CFAP96: variants seen among roughly 807,000 people sequenced by gnomAD.
CFAP96 encodes cilia-and flagella-associated protein 96.
the CFAP96 span, among the ~76,000 whole-genome samples, chr4:185,448,867 C>T: frequency 6.6e-6 from 1 of 152,028 alleles, no homozygotes; most frequent in African/African-American, 2.4e-5. Context: ...GCTGTTAGAA[C>T]TTTGGAACAG....
the CFAP96 span, among the ~76,000 whole-genome samples, chr4:185,421,965 C>T: frequency 6.6e-6 from 1 of 152,226 alleles, no homozygotes; most frequent in African/African-American, 2.4e-5. Context: ...ATCTCAAACA[C>T]AGCTCATCCC....
chr4:185,447,083 T>G, the CFAP96 span, among the ~76,000 whole-genome samples: 2 of 152,242 alleles, frequency 1.3e-5, no homozygotes, highest in Non-Finnish European at 2.9e-5. Flanking sequence ...ACTGAACTTC[T>G]ATCTCAAACC....
At chr4:185,410,663 T>C in the CFAP96 span, among the ~76,000 whole-genome samples, 2 of 122,710 alleles carry the variant, frequency 1.6e-5, no homozygotes, top group African/African-American at 6.1e-5. Flanking sequence ...AAAGAAAGAT[T>C]AGGCCGGGCG....
At chr4:185,442,962 G>A in the CFAP96 span, among the ~76,000 whole-genome samples, 1 of 152,010 alleles carries the variant, frequency 6.6e-6, no homozygotes, top group Non-Finnish European at 1.5e-5. Flanking sequence ...ATAATTTGAA[G>A]TGTGATTGGT....
chr4:185,421,718 A>G, the CFAP96 span, among the ~76,000 whole-genome samples: 38 of 152,302 alleles, frequency 2.5e-4, 1 homozygote, highest in South Asian at 3.7e-3. Flanking sequence ...AAAGATGCAA[A>G]ACAGACTAAT....
chr4:185,424,110 T>TG, the CFAP96 span, among the ~76,000 whole-genome samples: 1 of 147,748 alleles, frequency 6.8e-6, no homozygotes. Flanking sequence ...GAGACCAGAC[T>TG]GGGCAACATA....
the CFAP96 span, among the ~76,000 whole-genome samples, chr4:185,443,331 TATATA>T: frequency 6.6e-5 from 2 of 30,390 alleles, no homozygotes; most frequent in Non-Finnish European, 1.6e-4. Context: ...TATATATATA[TATATA>T]TATATATTTT....
chr4:185,423,561 G>A, the CFAP96 span, among the ~76,000 whole-genome samples: 4 of 89,470 alleles, frequency 4.5e-5, no homozygotes, highest in Non-Finnish European at 1.2e-4. Flanking sequence ...CAATAGATTG[G>A]TTAAAAAAAA....
the CFAP96 span, chr4:185,431,951 A>G: frequency 4.7e-6 from 7 of 1,497,388 alleles, no homozygotes; most frequent in African/African-American, 9.8e-5. Context: ...AGTCAGCTCA[A>G]AATTATAATA....
the CFAP96 span, chr4:185,449,453 G>T: frequency 1.4e-5 from 7 of 513,426 alleles, no homozygotes; most frequent in African/African-American, 1.2e-4. Flanking sequence ...AGCCTAGGAG[G>T]TTGAGGTTGC....
the CFAP96 span, chr4:185,426,169 A>C: frequency 2.1e-6 from 1 of 476,530 alleles, no homozygotes; most frequent in East Asian, 3.6e-5. Context: ...ATCTCCTCGT[A>C]TCCTCCCACA....
At chr4:185,415,862 T>C in the CFAP96 span, 2 of 1,612,132 alleles carry the variant, frequency 1.2e-6, no homozygotes, top group East Asian at 4.5e-5. Flanking sequence ...TATTTACTAT[T>C]TGATGCTATA....
At chr4:185,445,102 G>A in the CFAP96 span, 791 of 1,551,456 alleles carry the variant, frequency 5.1e-4, 1 homozygote, top group Non-Finnish European at 6.5e-4. Flanking sequence ...CAGACCAGTT[G>A]AAAGTATAAT....
chr4:185,444,887 G>A, the CFAP96 span: 2 of 1,343,952 alleles, frequency 1.5e-6, no homozygotes, highest in East Asian at 2.5e-5. Flanking sequence ...ACAAAAATAT[G>A]TATGAACTTC....
At chr4:185,430,681 T>G in the CFAP96 span, among the ~76,000 whole-genome samples, 1 of 151,816 alleles carries the variant, frequency 6.6e-6, no homozygotes, top group African/African-American at 2.4e-5. Flanking sequence ...GGCAGGAGGA[T>G]TGCTTGATGC....
chr4:185,445,887 G>GC, the CFAP96 span, among the ~76,000 whole-genome samples: 1 of 151,998 alleles, frequency 6.6e-6, no homozygotes, highest in African/African-American at 2.4e-5. Context: ...TATTGCCCAG[G>GC]CTGGGGTACA....
the CFAP96 span, chr4:185,445,018 C>T: frequency 6.4e-7 from 1 of 1,551,392 alleles, no homozygotes; most frequent in Non-Finnish European, 8.7e-7. Context: ...TTCTGCTGAC[C>T]CTTATGTGGC....
the CFAP96 span, chr4:185,444,989 T>C: frequency 6.4e-7 from 1 of 1,551,264 alleles, no homozygotes; most frequent in South Asian, 1.2e-5. Context: ...GCAGGAACAT[T>C]TGATCCTTAC....
the CFAP96 span, among the ~76,000 whole-genome samples, chr4:185,410,084 C>G: frequency 2.6e-5 from 4 of 151,876 alleles, no homozygotes; most frequent in Admixed American, 2.6e-4. Flanking sequence ...CAATAAATTT[C>G]AGAGTTAGTT....
Sources: allele counts gnomAD v4.1 joint callset (sites outside exome capture counted in the v4.1 genomes callset), GRCh38; gene constraint gnomAD v4.1.1; transcripts MANE v1.5; gene names NCBI Gene and HGNC (gene_info 2026-07-23, HGNC 2026-07-21).